Variants in PCDH15 observed in about 807,000 individuals in gnomAD.
The protein encoded by PCDH15 is protocadherin related 15.
A neutral mutation model predicts 178.5 loss-of-function variants in PCDH15; 129 were observed. That is an observed-to-expected ratio of 0.72 (90% CI 0.63 to 0.84). The LOEUF (loss-of-function observed/expected upper bound fraction) is 0.84. Ranked by LOEUF, PCDH15 falls within the 40% of genes least tolerant of loss-of-function variation. The pLI is 0.00. For synonymous variants in PCDH15, 800 were observed against 732.0 expected (o/e 1.09, Z -1.50); for missense variants, 2,230 against 2,099.9 (o/e 1.06, Z -1.21).
In PCDH15 at chr10:54,796,757, ATCTT is replaced by A. The variant is rs1341383767; in HGVS notation, c.-29+4164_-29+4167del. 2.0e-5 allele frequency among the ~76,000 whole-genome samples: 3 copies of A among 151,768 alleles called. 1 individual carries two copies. Among genetic ancestry groups the A allele is most frequent in the Admixed American group, 2.0e-4 (3 of 15,190 alleles). On this transcript the variant is annotated intron_variant, in intron 1 of 37. Transcript: ENST00000644397. ...TCTTTGAGTTTGTATCTCTGTGAAT[ATCTT>A]TCTGTGACTTATCTGTGTCTGTCTC...
At chr10:54,491,278 C>T (rs2079561613) in intron 3 of PCDH15, among the ~76,000 whole-genome samples, 1 of 143,446 alleles carries the variant, frequency 7.0e-6, no homozygotes. Flanking sequence ...TAACAAAATC[C>T]ACTAACAAAG....
rs574662599 is a variant in PCDH15 at position 54,410,832 on chromosome 10, A to G, written c.158-31890T>C. Among the ~76,000 whole-genome samples, 129 of 152,254 alleles carry G rather than the reference A, an allele frequency of 8.5e-4. 6 individuals carry two copies. In the South Asian group the frequency reaches 0.026, roughly 31 times the overall value. On this transcript the variant is annotated intron_variant, in intron 3 of 37. Coordinates refer to ENST00000644397, the MANE Select transcript of PCDH15 (RefSeq NM_001384140.1). Reference sequence around the variant, plus strand: ...TTCCAAGGCAACAGTTACTTTCAAAAATGATAGACCCACTGTGAGCAAAAG... The same window carrying G: ...TTCCAAGGCAACAGTTACTTTCAAAGATGATAGACCCACTGTGAGCAAAAG...
intron 13 of PCDH15, among the ~76,000 whole-genome samples, chr10:54,170,168 C>T (rs1260539731): frequency 2.7e-5 from 4 of 147,736 alleles, no homozygotes; most frequent in Non-Finnish European, 6.0e-5. Context: ...AAATTTCTTC[C>T]TCATCTGTTA....
intron 15 of PCDH15, among the ~76,000 whole-genome samples, chr10:54,097,774 T>C (rs752368394): frequency 5.3e-5 from 8 of 152,010 alleles, no homozygotes; most frequent in Non-Finnish European, 1.2e-4. Context: ...TTTGGAAAAA[T>C]GAAAAAGGAA....
intron 18 of PCDH15, among the ~76,000 whole-genome samples, chr10:54,036,961 G>A (rs1037838381): frequency 1.3e-5 from 2 of 151,882 alleles, no homozygotes; most frequent in Non-Finnish European, 2.9e-5. Context: ...ATGACTCTGA[G>A]AGGTTCAAGA....
At chr10:55,434,149 A>T (rs1369300104) in intron 2 of PCDH15, among the ~76,000 whole-genome samples, 2 of 119,616 alleles carry the variant, frequency 1.7e-5, no homozygotes, top group African/African-American at 6.7e-5. Context: ...GGCGCCCTCT[A>T]GGCTCACTGC....
At chr10:54,861,480 T>C (rs1953841777) in intron 3 of PCDH15, among the ~76,000 whole-genome samples, 1 of 152,134 alleles carries the variant, frequency 6.6e-6, no homozygotes, top group Non-Finnish European at 1.5e-5. Context: ...TAACAAAAGA[T>C]TTCCTAAGAA....
Position 55,377,146 on chromosome 10 carries a change from T to TAA in PCDH15, c.-155-210497_-155-210496dup, listed in dbSNP as rs398054373. ...AACTTTGTGATAACTCTTTCTTCAC[T>TAA]AAAAAAAAAAAAAAAAAGAAAAGAA... On this transcript the variant is annotated intron_variant, in intron 2 of 5. Transcript: ENST00000613346. Among the ~76,000 whole-genome samples the TAA allele has an allele frequency of 4.9e-3, 517 of 105,298 alleles. 5 individuals carry two copies. The highest frequency in any genetic ancestry group is 0.016 in the African/African-American group (456 of 28,598). The allele number at this position is 105,298 out of a possible 152,430, so 69.1% of individuals were successfully genotyped here. A position where few individuals can be genotyped will look rare whatever the true frequency, so the allele number is the denominator to read the frequency against.
intron 3 of PCDH15, among the ~76,000 whole-genome samples, chr10:54,877,247 G>A (rs1162955113): frequency 6.6e-6 from 1 of 152,072 alleles, no homozygotes; most frequent in Non-Finnish European, 1.5e-5. Context: ...TATATGCACT[G>A]GGGAAAATTG....
chr10:54,990,964 A>G (rs1318229528), intron 2 of PCDH15, among the ~76,000 whole-genome samples: 1 of 130,434 alleles, frequency 7.7e-6, no homozygotes, highest in Non-Finnish European at 1.6e-5. Context: ...TAAAATTTTA[A>G]AAGAAAAAAA....
intron 2 of PCDH15, among the ~76,000 whole-genome samples, chr10:54,650,411 G>A (rs2094230880): frequency 6.6e-6 from 1 of 151,922 alleles, no homozygotes. Context: ...ATAATCACAA[G>A]GACCCTATGG....
At chr10:54,153,061 G>T (rs748778466) in intron 14 of PCDH15, 39 bp downstream of exon 14, 67 of 1,605,824 alleles carry the variant, frequency 4.2e-5, no homozygotes, top group Non-Finnish European at 5.5e-5. Flanking sequence ...GGTTAAACGG[G>T]CCCGATGAAA....
intron 2 of PCDH15, among the ~76,000 whole-genome samples, chr10:55,598,363 C>A (rs1842978103): frequency 6.6e-6 from 1 of 151,224 alleles, no homozygotes; most frequent in Admixed American, 6.6e-5. Context: ...AGACTGTTCG[C>A]CAGAGTACTA....
chr10:55,457,418 C>T (rs956475683), intron 2 of PCDH15, among the ~76,000 whole-genome samples: 1 of 151,856 alleles, frequency 6.6e-6, no homozygotes, highest in South Asian at 2.1e-4. Context: ...CTTAGTGTGT[C>T]CATGTGTGAT....
chr10:55,087,942 C>T (rs1194636861), intron 2 of PCDH15, among the ~76,000 whole-genome samples: 2 of 152,056 alleles, frequency 1.3e-5, no homozygotes, highest in East Asian at 1.9e-4. Context: ...TACTAATATT[C>T]ACTATTAAAT....
intron 2 of PCDH15, among the ~76,000 whole-genome samples, chr10:54,609,174 A>C (rs1213062658): frequency 6.6e-6 from 1 of 152,078 alleles, no homozygotes; most frequent in South Asian, 2.1e-4. Context: ...GTTTTTGCTC[A>C]TTTTTTAAAA....
chr10:53,819,525 T>C lies in PCDH15; in HGVS notation c.4433+640A>G, dbSNP rs1030039594. Among the ~76,000 whole-genome samples, 13 of 152,006 alleles carry C rather than the reference T, an allele frequency of 8.6e-5. No individual in the cohort carries two copies. The South Asian group carries it at 2.7e-3, about 31-fold the overall frequency. On this transcript the variant is annotated intron_variant, in intron 33 of 37. Coordinates refer to ENST00000644397, the MANE Select transcript of PCDH15 (RefSeq NM_001384140.1). ...TTCATATAATATCGATGCACCTCTT[T>C]ATGCAATTCATAATCAATTGTATTA... is the stretch of plus-strand genomic sequence containing the variant.
intron 2 of PCDH15, among the ~76,000 whole-genome samples, chr10:54,575,976 T>C (rs961185127): frequency 4.6e-5 from 7 of 152,230 alleles, no homozygotes; most frequent in African/African-American, 1.4e-4. Flanking sequence ...AGGAACTATA[T>C]AGTCAATTCA....
chr10:55,348,466 T>C (rs1844821384), intron 2 of PCDH15, among the ~76,000 whole-genome samples: 2 of 152,200 alleles, frequency 1.3e-5, no homozygotes, highest in South Asian at 4.1e-4. Context: ...AATTTGGTAA[T>C]GAACAAACAA....
Sources: gnomAD v4.1 joint callset for allele counts (sites outside exome capture counted in the v4.1 genomes callset) on GRCh38, gnomAD v4.1.1 for gene constraint, MANE v1.5 for transcripts, NCBI Gene and HGNC (gene_info 2026-07-23, HGNC 2026-07-21) for gene names.